Variants in DAPK1 observed in about 807,000 individuals in gnomAD.
The protein encoded by DAPK1 is death associated protein kinase 1, also known as death-associated protein kinase 1.
A neutral mutation model predicts 144.9 loss-of-function variants in DAPK1; 56 were observed. The ratio of observed to expected loss-of-function variants is 0.39; its 90% confidence interval spans 0.31 to 0.48. The LOEUF is 0.48. Ranked by LOEUF, DAPK1 falls within the 20% of genes least tolerant of loss-of-function variation. The pLI is 0.95. For synonymous variants in DAPK1, 690 were observed against 749.0 expected (o/e 0.92, Z 1.29); for missense variants, 1,454 against 1,875.4 (o/e 0.78, Z 4.15).
chr9:87,527,498 G>A (rs1282417886), intron 2 of DAPK1, among the ~76,000 whole-genome samples: 4 of 152,230 alleles, frequency 2.6e-5, no homozygotes, highest in African/African-American at 9.6e-5. Context: ...GGCTGGCCAA[G>A]CTGGCTCCAG....
At chr9:87,665,853 C>T (rs1295494328) in intron 18 of DAPK1, among the ~76,000 whole-genome samples, 1 of 152,208 alleles carries the variant, frequency 6.6e-6, no homozygotes, top group Non-Finnish European at 1.5e-5. Flanking sequence ...CACCCTTCTG[C>T]AGCCACTTGG....
intron 4 of DAPK1, among the ~76,000 whole-genome samples, chr9:87,638,701 C>T (rs1829986426): frequency 6.6e-6 from 1 of 152,100 alleles, no homozygotes; most frequent in African/African-American, 2.4e-5. Context: ...GTGCTCCATC[C>T]GAGTAGTTGA....
At chr9:87,691,544 G>A (rs192661707) in intron 21 of DAPK1, among the ~76,000 whole-genome samples, 1 of 151,936 alleles carries the variant, frequency 6.6e-6, no homozygotes, top group Non-Finnish European at 1.5e-5. Flanking sequence ...GGTTTGGCTT[G>A]TTTTTGCTTC....
At chr9:87,578,203 G>C (rs564636290) in intron 2 of DAPK1, among the ~76,000 whole-genome samples, 1 of 152,290 alleles carries the variant, frequency 6.6e-6, no homozygotes, top group African/African-American at 2.4e-5. Flanking sequence ...ACATTTTGCT[G>C]TATTAGCTTG....
rs36215047 is a variant in DAPK1 at position 87,658,070 on chromosome 9, C to G, written c.1866C>G (p.Ile622Met). Residue 622 changes from isoleucine to methionine, a missense_variant, in exon 18 of 26, where the codon ATC (isoleucine) becomes ATG (methionine). Physicochemically the swap from Ile to Met is conservative, Grantham distance 10 (BLOSUM62 1). Transcript: ENST00000408954. The stretch of plus-strand genomic sequence containing the variant: ...TGCACCTTGCGGCCAACAACGGAAT[C>G]CTAGACGTGGTCCGGTATCTCTGTC... Reference protein sequence around the residue: ...TPLHLAANNGILDVVRYLCLM... With the variant: ...TPLHLAANNGMLDVVRYLCLM... The G allele has an allele frequency of 1.1e-3, 1,778 of 1,553,450 alleles. 6 individuals are homozygous for G. In the Middle Eastern group the frequency reaches 0.019, roughly 17 times the overall value.
chr9:87,676,771 G>A (rs1373066882), intron 19 of DAPK1, among the ~76,000 whole-genome samples: 1 of 152,220 alleles, frequency 6.6e-6, no homozygotes. Context: ...TATTCAGGAA[G>A]TGCCTTCCGA....
At chr9:87,660,733 A>G (rs1830815894) in intron 18 of DAPK1, among the ~76,000 whole-genome samples, 1 of 152,110 alleles carries the variant, frequency 6.6e-6, no homozygotes, top group African/African-American at 2.4e-5. Context: ...AGCATGTGAT[A>G]TTTGGTTTTC....
chr9:87,497,995 A>C lies in DAPK1; in HGVS notation c.-221A>C, dbSNP rs1160105169. 2 of 397,142 alleles carry C rather than the reference A, an allele frequency of 5.0e-6. No homozygotes were observed. The highest frequency in any genetic ancestry group is 8.9e-6 in the Non-Finnish European group (2 of 225,448). 24.6% of individuals were successfully genotyped at this position (397,142 alleles called of 1,614,324 possible). The stretch of plus-strand genomic sequence containing the variant: ...CGCCTGGGAGGGATCTGCGCCCCCC[A>C]CTCACTCCCTAGCTGTGTTCCCGCC... On this transcript the variant is annotated 5_prime_UTR_variant, in exon 1 of 26. Coordinates refer to ENST00000408954, the MANE Select transcript of DAPK1 (RefSeq NM_004938.4).
At chr9:87,559,043 G>A (rs965560162) in intron 2 of DAPK1, among the ~76,000 whole-genome samples, 2 of 152,154 alleles carry the variant, frequency 1.3e-5, no homozygotes, top group Admixed American at 1.3e-4. Flanking sequence ...GCACATGCAT[G>A]CACCAGCTAT....
At chr9:87,498,916 C>T (rs991287887) in intron 1 of DAPK1, 54 bp from the exon 2 acceptor site, 10 of 578,490 alleles carry the variant, frequency 1.7e-5, no homozygotes, top group Non-Finnish European at 2.5e-5. Context: ...AGGTCTACTT[C>T]CTTTTGGGGT....
intron 3 of DAPK1, chr9:87,632,263 A>T (rs1406310501): frequency 2.0e-6 from 2 of 983,416 alleles, no homozygotes; most frequent in Non-Finnish European, 2.4e-6. Context: ...GGTGATCAGT[A>T]TATATGTAGG....
At chr9:87,640,667 G>T in intron 8 of DAPK1, 135 bp from the exon 9 acceptor site, 1 of 1,066,238 alleles carries the variant, frequency 9.4e-7, no homozygotes, top group South Asian at 1.3e-5. Context: ...CAAAAAGACC[G>T]ATGTTGTTTT....
At chr9:87,639,255 T>G in intron 4 of DAPK1, 99 bp from the exon 5 acceptor site, 1 of 1,165,308 alleles carries the variant, frequency 8.6e-7, no homozygotes, top group Non-Finnish European at 1.2e-6. Context: ...TCCCTACTTT[T>G]TGGCCTTTTT....
At chr9:87,690,499 T>G (rs1360478654) in intron 21 of DAPK1, among the ~76,000 whole-genome samples, 1 of 151,928 alleles carries the variant, frequency 6.6e-6, no homozygotes, top group Non-Finnish European at 1.5e-5. Context: ...TTTATATGCT[T>G]TTTATTTCTT....
At chr9:87,628,628 G>A (rs538953849) in intron 3 of DAPK1, among the ~76,000 whole-genome samples, 6 of 152,124 alleles carry the variant, frequency 3.9e-5, no homozygotes, top group South Asian at 2.1e-4. Context: ...TGGTGATGAC[G>A]GAGCATTGAG....
At chr9:87,650,708 A>G (rs1368274207) in intron 16 of DAPK1, among the ~76,000 whole-genome samples, 1 of 152,198 alleles carries the variant, frequency 6.6e-6, no homozygotes, top group Non-Finnish European at 1.5e-5. Context: ...GTATAGAGCA[A>G]TGGTTCTGGG....
intron 21 of DAPK1, among the ~76,000 whole-genome samples, chr9:87,688,352 C>G (rs3128488): frequency 0.37 from 56,480 of 152,022 alleles, 12,090 homozygotes; most frequent in Middle Eastern, 0.59. Context: ...TGATGGGCGC[C>G]TAGGTTGACT....
chr9:87,548,528 T>C (rs1400751504), intron 2 of DAPK1, among the ~76,000 whole-genome samples: 2 of 152,232 alleles, frequency 1.3e-5, no homozygotes, highest in African/African-American at 4.8e-5. Context: ...GTGGAATTGA[T>C]TGATACTCTT....
At chr9:87,638,146 T>A in intron 4 of DAPK1, 65 bp downstream of exon 4, 1 of 1,487,290 alleles carries the variant, frequency 6.7e-7, no homozygotes, top group Non-Finnish European at 9.1e-7. Context: ...GTTTCTCTGC[T>A]AAGAAAAATT....
Sources: allele counts gnomAD v4.1 joint callset (sites outside exome capture counted in the v4.1 genomes callset), GRCh38; gene constraint gnomAD v4.1.1; transcripts MANE v1.5; gene names NCBI Gene and HGNC (gene_info 2026-07-23, HGNC 2026-07-21).